FSD1L: variants seen among roughly 807,000 people sequenced by gnomAD.
FSD1L encodes FSD1-like protein.
FSD1L carries 45 observed loss-of-function variants against 71.6 expected under a neutral mutation model. That is an observed-to-expected ratio of 0.63 (90% confidence interval 0.49 to 0.81). The LOEUF is 0.81. Among genes scored for constraint, FSD1L ranks in the 30% least tolerant of loss-of-function variants. The pLI, the probability that FSD1L is intolerant of heterozygous loss-of-function variation, is 0.00. For synonymous variants in FSD1L, 197 were observed against 207.2 expected, an observed-to-expected ratio of 0.95 and a Z score of 0.42; for missense variants, 561 against 618.1, an observed-to-expected ratio of 0.91 and a Z score of 0.98.
At chr9:105,520,957 G>A (rs1301100287) in intron 10 of FSD1L, 5 of 1,611,728 alleles carry the variant, frequency 3.1e-6, no homozygotes, top group African/African-American at 1.3e-5. Context: ...AACCAAGAAA[G>A]GGGATTTTCA....
chr9:105,475,998 A>C (rs1831771980), intron 5 of FSD1L, among the ~76,000 whole-genome samples: 1 of 152,154 alleles, frequency 6.6e-6, no homozygotes, highest in Non-Finnish European at 1.5e-5. Context: ...TAAAAAGAGA[A>C]ATGATGATAT....
chr9:105,449,028 TTC>T (rs1167244749), intron 1 of FSD1L, among the ~76,000 whole-genome samples: 1 of 152,230 alleles, frequency 6.6e-6, no homozygotes, highest in African/African-American at 2.4e-5. Flanking sequence ...AACCACCCTG[TTC>T]TCTTTGTTAG....
intron 2 of FSD1L, 68 bp from the exon 3 acceptor site, chr9:105,464,166 GAA>G: frequency 1.3e-6 from 1 of 788,292 alleles, no homozygotes; most frequent in Non-Finnish European, 2.1e-6. Context: ...TTTGTTTAGA[GAA>G]TGCTTGTTAA....
intron 4 of FSD1L, among the ~76,000 whole-genome samples, chr9:105,471,568 A>G (rs1003795176): frequency 2.0e-5 from 3 of 152,078 alleles, no homozygotes; most frequent in African/African-American, 7.2e-5. Flanking sequence ...AATTAATGAC[A>G]GTGGACTAAG....
In FSD1L at chr9:105,548,243, T is replaced by C. The variant is rs984030732; in HGVS notation, c.*1760T>C. 1.3e-5 allele frequency: 2 copies of C among 152,058 alleles called. No individual in the cohort carries two copies. Among genetic ancestry groups the C allele is most frequent in the African/African-American group, 4.8e-5 (2 of 41,432 alleles). 9.4% of individuals were successfully genotyped at this position (152,058 alleles called of 1,614,324 possible). A position where few individuals can be genotyped will look rare whatever the true frequency, so the allele number is the denominator to read the frequency against. On this transcript the variant is annotated 3_prime_UTR_variant, in exon 14 of 14. Coordinates refer to ENST00000481272, the MANE Select transcript of FSD1L (RefSeq NM_001145313.3). Reference sequence around the variant, plus strand: ...TCCTCAGAGAGAGTTTGAAAGAAATTTTCAGATGTTCTGTTCCCTATAGAG... The same window carrying C: ...TCCTCAGAGAGAGTTTGAAAGAAATCTTCAGATGTTCTGTTCCCTATAGAG...
chr9:105,461,680 G>T lies in FSD1L; in HGVS notation c.111+65G>T, dbSNP rs1830708526. ...ATCTGATTCAAAATTAGAGCATTTA[G>T]ATGTCTTTGACTATACTCATTAAAA... On this transcript the variant is annotated intron_variant, in intron 2 of 13. Coordinates refer to ENST00000481272, the MANE Select transcript of FSD1L (RefSeq NM_001145313.3). The T allele has an allele frequency of 8.2e-6, 8 of 971,832 alleles. No homozygotes were observed. The South Asian group carries it at 1.2e-4, about 14-fold the overall frequency. The allele number at this position is 971,832 out of a possible 1,614,324, so 60.2% of individuals were successfully genotyped here.
chr9:105,524,422 C>T (rs1835376320), intron 10 of FSD1L: 1 of 1,613,442 alleles, frequency 6.2e-7, no homozygotes, highest in Admixed American at 1.7e-5. Flanking sequence ...TTGGTAGTAT[C>T]TTTACTTCTC....
chr9:105,544,039 T>A (rs953369274), intron 13 of FSD1L, among the ~76,000 whole-genome samples: 3 of 152,186 alleles, frequency 2.0e-5, no homozygotes, highest in Non-Finnish European at 2.9e-5. Context: ...ACCAGTTTAC[T>A]CTCCCACCAA....
chr9:105,492,711 A>C (rs921265209), intron 7 of FSD1L, among the ~76,000 whole-genome samples: 7 of 151,988 alleles, frequency 4.6e-5, no homozygotes, highest in African/African-American at 1.2e-4. Flanking sequence ...CTTTGTTCTC[A>C]TTGGTTTCAA....
chr9:105,549,488 A>G lies in FSD1L; in HGVS notation c.*3005A>G, dbSNP rs1302514152. 1 of 152,026 alleles carries G rather than the reference A, an allele frequency of 6.6e-6. No homozygotes were observed. Among genetic ancestry groups the G allele is most frequent in the Admixed American group, 6.6e-5 (1 of 15,246 alleles). 9.4% of individuals were successfully genotyped at this position (152,026 alleles called of 1,614,324 possible). A position where few individuals can be genotyped will look rare whatever the true frequency, so the allele number is the denominator to read the frequency against. ...TTCCAGGTGTACGTAAACTAACTGA[A>G]AGTATTAAGGACATGCCTGTCTATA... On this transcript the variant is annotated 3_prime_UTR_variant, in exon 14 of 14. Coordinates refer to ENST00000481272, the MANE Select transcript of FSD1L (RefSeq NM_001145313.3).
intron 5 of FSD1L, chr9:105,472,987 A>C (rs2131651393): frequency 6.6e-6 from 1 of 152,358 alleles, no homozygotes; most frequent in Admixed American, 6.5e-5. Flanking sequence ...AGGGAAATGT[A>C]CTATATTTAA....
At chr9:105,534,631 T>G (rs1447455339) in intron 11 of FSD1L, 38 bp downstream of exon 11, 2 of 1,198,622 alleles carry the variant, frequency 1.7e-6, no homozygotes, top group Admixed American at 2.1e-5. Context: ...TATCTCAGAT[T>G]AAAGGCATCA....
At chr9:105,484,317 A>G (rs1832396108) in intron 6 of FSD1L, 64 bp from the exon 7 acceptor site, 1 of 1,211,968 alleles carries the variant, frequency 8.3e-7, no homozygotes, top group African/African-American at 1.6e-5. Flanking sequence ...TCATTTTATA[A>G]ATTAAATATG....
intron 13 of FSD1L, among the ~76,000 whole-genome samples, chr9:105,543,621 C>A (rs562363751): frequency 3.3e-5 from 5 of 151,828 alleles, no homozygotes; most frequent in Non-Finnish European, 7.4e-5. Flanking sequence ...GTGTGATGTT[C>A]CCCTTCCTGT....
chr9:105,541,313 A>G (rs1836598802), intron 13 of FSD1L, among the ~76,000 whole-genome samples: 1 of 147,810 alleles, frequency 6.8e-6, no homozygotes, highest in Non-Finnish European at 1.5e-5. Flanking sequence ...TTAACTTTGT[A>G]CAAACCTCTG....
intron 8 of FSD1L, among the ~76,000 whole-genome samples, chr9:105,507,196 TTC>T (rs1344230338): frequency 6.6e-6 from 1 of 152,230 alleles, no homozygotes; most frequent in Non-Finnish European, 1.5e-5. Context: ...CTTTTACTGT[TTC>T]AAGATTACCT....
intron 4 of FSD1L, among the ~76,000 whole-genome samples, chr9:105,470,223 T>C (rs1319049052): frequency 6.6e-6 from 1 of 152,170 alleles, no homozygotes; most frequent in African/African-American, 2.4e-5. Flanking sequence ...TCTTTCAAAA[T>C]TGTGCAATTC....
At chr9:105,535,357 C>T in intron 12 of FSD1L, 39 bp downstream of exon 12, 1 of 1,546,012 alleles carries the variant, frequency 6.5e-7, no homozygotes, top group South Asian at 1.2e-5. Flanking sequence ...ATCATAGTTG[C>T]TTGCATTTCA....
chr9:105,524,292 G>C, intron 10 of FSD1L: 8 of 1,612,900 alleles, frequency 5.0e-6, no homozygotes, highest in Non-Finnish European at 6.8e-6. Flanking sequence ...GGTTCATTAT[G>C]TACCTAGACT....
Sources: allele counts gnomAD v4.1 joint callset (sites outside exome capture counted in the v4.1 genomes callset), GRCh38; gene constraint gnomAD v4.1.1; transcripts MANE v1.5; gene names NCBI Gene and HGNC (gene_info 2026-07-23, HGNC 2026-07-21).